Variants in SOX6 observed in about 807,000 individuals in gnomAD.
SOX6 encodes transcription factor SOX-6.
Under a neutral mutation model 97.8 loss-of-function variants are expected in SOX6, and 11 were observed. The observed-to-expected ratio is 0.11, with a 90% CI of 0.07 to 0.19. The LOEUF is 0.19. Among genes scored for constraint, SOX6 ranks in the 10% least tolerant of loss-of-function variants. SOX6 has a pLI of 1.00. For missense variants in SOX6, 810 were observed against 1,039.5 expected, an observed-to-expected ratio of 0.78 and a Z score of 3.04; for synonymous variants, 360 against 371.4, an observed-to-expected ratio of 0.97 and a Z score of 0.35.
At chr11:16,453,242 AG>A (rs1859754472) in intron 1 of SOX6, among the ~76,000 whole-genome samples, 1 of 152,104 alleles carries the variant, frequency 6.6e-6, no homozygotes, top group South Asian at 2.1e-4. Context: ...TTAAGAAACT[AG>A]GGGGAAAATG....
chr11:16,475,198 T>A (rs547812151), intron 1 of SOX6, among the ~76,000 whole-genome samples: 1 of 152,198 alleles, frequency 6.6e-6, no homozygotes, highest in Admixed American at 6.5e-5. Context: ...TTTCTCCATA[T>A]CAGCAATAAG....
chr11:16,371,202 A>T (rs1857486219), intron 1 of SOX6, among the ~76,000 whole-genome samples: 1 of 151,922 alleles, frequency 6.6e-6, no homozygotes, highest in South Asian at 2.1e-4. Context: ...TGTACCTTGA[A>T]CATACCAAGC....
At chr11:16,258,056 A>T (rs184784788) in intron 3 of SOX6, among the ~76,000 whole-genome samples, 2 of 152,122 alleles carry the variant, frequency 1.3e-5, no homozygotes, top group East Asian at 3.9e-4. Flanking sequence ...GAAAATACTG[A>T]TAATACCAAA....
chr11:16,359,026 A>C (rs1161997683), upstream of SOX6, among the ~76,000 whole-genome samples: 2 of 152,158 alleles, frequency 1.3e-5, no homozygotes, highest in Non-Finnish European at 2.9e-5. Flanking sequence ...CAGTCTAGCA[A>C]GAAATATAAA....
intron 6 of SOX6, among the ~76,000 whole-genome samples, chr11:16,158,534 G>A (rs1400226172): frequency 1.3e-5 from 2 of 151,820 alleles, no homozygotes; most frequent in African/African-American, 4.8e-5. Flanking sequence ...TCATATTATT[G>A]GTAACACAAA....
rs181236124 is a variant in SOX6 at position 16,322,955 on chromosome 11, C to T, written c.238-4302G>A. On this transcript the variant is annotated intron_variant, in intron 2 of 15. Transcript: ENST00000683767. ...TTTTGAAAACAACCACTGTTTAACACGACTAAACACATGAACATCACAAAA... is the reference window on the plus strand; with the variant it reads ...TTTTGAAAACAACCACTGTTTAACATGACTAAACACATGAACATCACAAAA... Among the ~76,000 whole-genome samples the T allele has an allele frequency of 2.4e-4, 37 of 152,200 alleles. No individual in the cohort carries two copies. The South Asian group carries it at 2.5e-3, about 10-fold the overall frequency.
chr11:16,219,177 A>T (rs981842854), intron 4 of SOX6, among the ~76,000 whole-genome samples: 2 of 152,050 alleles, frequency 1.3e-5, no homozygotes, highest in Non-Finnish European at 2.9e-5. Context: ...TCAAATCCTA[A>T]GTGCTGAAAA....
Position 16,027,524 on chromosome 11 carries a change from G to A in SOX6, c.1624-12474C>T, listed in dbSNP as rs1323179204. Among the ~76,000 whole-genome samples the A allele has an allele frequency of 3.9e-5, 6 of 152,112 alleles. No individual in the cohort carries two copies. The East Asian group carries it at 1.2e-3, about 29-fold the overall frequency. ...AAGAGCCTGCTTTAGTCGTACTATA[G>A]AGAGACACAGAAATGAGTCAGGCTC... On this transcript the variant is annotated intron_variant, in intron 12 of 15. Transcript: ENST00000683767.
At position 16,010,358 on chromosome 11, in the gene SOX6, T is replaced by C. The variant is rs1590127582; in HGVS notation, c.1732+4584A>G. Among the ~76,000 whole-genome samples the C allele has an allele frequency of 2.6e-5, 4 of 152,044 alleles. No individual in the cohort carries two copies. In the East Asian group the frequency reaches 7.8e-4, roughly 29 times the overall value. On this transcript the variant is annotated intron_variant, in intron 13 of 15. Coordinates refer to ENST00000683767, the MANE Select transcript of SOX6 (RefSeq NM_001367873.1). ...TTAATGCATGGAGGACAGCACATCA[T>C]TCCAGTTCTGATCCAGGGTCCAACA... is the stretch of plus-strand genomic sequence containing the variant.
At chr11:16,601,908 T>C (rs1053717514) in intron 4 of SOX6, among the ~76,000 whole-genome samples, 3 of 152,200 alleles carry the variant, frequency 2.0e-5, no homozygotes, top group East Asian at 3.8e-4. Flanking sequence ...ATTGTACATA[T>C]ATGTTTTTCC....
chr11:16,462,088 G>T lies in SOX6; in HGVS notation c.-5+14227C>A, dbSNP rs189204823. Among the ~76,000 whole-genome samples, 21 of 152,214 alleles carry T rather than the reference G, an allele frequency of 1.4e-4. No individual in the cohort carries two copies. In the East Asian group the frequency reaches 3.7e-3, roughly 27 times the overall value. ...GCATTATTCTTGGAAGAAAACATTTGCTACCAAAAAAGGATTTGTCTTAAC... is the reference window on the plus strand; with the variant it reads ...GCATTATTCTTGGAAGAAAACATTTTCTACCAAAAAAGGATTTGTCTTAAC... On this transcript the variant is annotated intron_variant, in intron 1 of 15. Transcript: ENST00000396356.
intron 4 of SOX6, among the ~76,000 whole-genome samples, chr11:16,211,406 C>A (rs1414171108): frequency 6.6e-6 from 1 of 150,576 alleles, no homozygotes; most frequent in Non-Finnish European, 1.5e-5. Flanking sequence ...ATGGCCTGGA[C>A]CAAGGTGATA....
chr11:15,997,001 G>A (rs1357580582), intron 13 of SOX6, among the ~76,000 whole-genome samples: 1 of 152,124 alleles, frequency 6.6e-6, no homozygotes, highest in Non-Finnish European at 1.5e-5. Context: ...TGGGTCAACA[G>A]ACAAAGAGAG....
intron 15 of SOX6, among the ~76,000 whole-genome samples, chr11:15,983,642 A>G (rs1329043183): frequency 6.6e-6 from 1 of 152,122 alleles, no homozygotes; most frequent in African/African-American, 2.4e-5. Context: ...ACTACTTAAA[A>G]GAGAATACAA....
intron 4 of SOX6, among the ~76,000 whole-genome samples, chr11:16,557,578 T>C (rs1487960965): frequency 6.6e-6 from 1 of 151,946 alleles, no homozygotes; most frequent in East Asian, 1.9e-4. Context: ...ATGACTCTTT[T>C]GTTTACCATT....
intron 2 of SOX6, among the ~76,000 whole-genome samples, chr11:16,335,966 A>G (rs1018148920): frequency 6.6e-6 from 1 of 152,190 alleles, no homozygotes; most frequent in East Asian, 1.9e-4. Context: ...TAAGGTGGAA[A>G]CTTATTTTAA....
chr11:16,086,421 C>T (rs925861173), intron 9 of SOX6, among the ~76,000 whole-genome samples: 1 of 152,158 alleles, frequency 6.6e-6, no homozygotes, highest in Non-Finnish European at 1.5e-5. Context: ...GTGCTCTCTG[C>T]CCCACAGTTC....
chr11:16,550,333 G>T (rs1565178245), intron 4 of SOX6, among the ~76,000 whole-genome samples: 1 of 152,092 alleles, frequency 6.6e-6, no homozygotes, highest in Non-Finnish European at 1.5e-5. Context: ...GGGGGAAGGG[G>T]AGGGATAGCA....
chr11:16,629,534 G>A (rs1039208772), intron 3 of SOX6, among the ~76,000 whole-genome samples: 3 of 152,132 alleles, frequency 2.0e-5, no homozygotes, highest in Non-Finnish European at 2.9e-5. Context: ...ATACTCACCA[G>A]GAATATTGGC....
Sources: gnomAD v4.1 joint callset for allele counts (sites outside exome capture counted in the v4.1 genomes callset) on GRCh38, gnomAD v4.1.1 for gene constraint, MANE v1.5 for transcripts, NCBI Gene and HGNC (gene_info 2026-07-23, HGNC 2026-07-21) for gene names.